The following CNTNAP2 variants were observed in gnomAD, a reference collection of about 807,000 sequenced individuals.
CNTNAP2 encodes the protein contactin associated protein 2, also known as contactin-associated protein-like 2.
A neutral mutation model predicts 155.2 loss-of-function variants in CNTNAP2; 98 were observed. The observed-to-expected ratio is 0.63, with a 90% confidence interval of 0.54 to 0.75. The LOEUF (loss-of-function observed/expected upper bound fraction) is 0.75, where lower values mean the gene tolerates loss of function less well. CNTNAP2 is among the 30% of genes least tolerant of loss of function. The probability of loss-of-function intolerance (pLI) is 0.00; values close to 1 mark genes in which losing one functional copy is unlikely to be tolerated. For missense variants in CNTNAP2, 1,727 were observed against 1,688.1 expected (o/e 1.02, Z -0.40); for synonymous variants, 651 against 631.2 (o/e 1.03, Z -0.47).
intron 17 of CNTNAP2, among the ~76,000 whole-genome samples, chr7:148,166,874 G>A (rs1425445287): frequency 6.6e-6 from 1 of 152,152 alleles, no homozygotes; most frequent in African/African-American, 2.4e-5. Context: ...ACAGAGCGCA[G>A]AAGTGGAACT....
chr7:146,603,615 G>T (rs1260885213), intron 1 of CNTNAP2, among the ~76,000 whole-genome samples: 2 of 150,782 alleles, frequency 1.3e-5, no homozygotes, highest in Non-Finnish European at 3.0e-5. Flanking sequence ...GCATTGCCAA[G>T]TCAACCCTAA....
At chr7:147,127,428 C>G (rs976624468) in intron 6 of CNTNAP2, among the ~76,000 whole-genome samples, 40 of 151,796 alleles carry the variant, frequency 2.6e-4, no homozygotes, top group African/African-American at 9.7e-4. Flanking sequence ...TGTTTCCCCC[C>G]CTAAAAGTAC....
chr7:147,838,421 T>C (rs565773697), intron 13 of CNTNAP2, among the ~76,000 whole-genome samples: 1 of 152,248 alleles, frequency 6.6e-6, no homozygotes, highest in East Asian at 1.9e-4. Context: ...TATCACATTG[T>C]CAGGCTGCAA....
At chr7:148,277,803 A>G (rs1796900946) in intron 21 of CNTNAP2, among the ~76,000 whole-genome samples, 4 of 144,828 alleles carry the variant, frequency 2.8e-5, no homozygotes, top group African/African-American at 5.0e-5. Context: ...AGAAAAAAAG[A>G]AAAAAAGCTT....
chr7:147,530,084 G>T (rs1273089151), intron 11 of CNTNAP2, among the ~76,000 whole-genome samples: 3 of 152,002 alleles, frequency 2.0e-5, no homozygotes, highest in East Asian at 3.9e-4. Context: ...TCACACTGCT[G>T]ATAAGGACAT....
chr7:146,437,633 A>G (rs1287054533), intron 1 of CNTNAP2, among the ~76,000 whole-genome samples: 1 of 151,636 alleles, frequency 6.6e-6, no homozygotes, highest in Non-Finnish European at 1.5e-5. Flanking sequence ...ACTTAATCCT[A>G]TAAAATGGCA....
chr7:147,462,836 T>A (rs376180141), intron 10 of CNTNAP2, among the ~76,000 whole-genome samples: 25 of 152,298 alleles, frequency 1.6e-4, no homozygotes, highest in African/African-American at 6.0e-4. Flanking sequence ...TGGAGTGCAG[T>A]GGCGCAATCT....
At chr7:146,211,033 G>C (rs182579905) in intron 1 of CNTNAP2, among the ~76,000 whole-genome samples, 3 of 152,220 alleles carry the variant, frequency 2.0e-5, no homozygotes, top group Non-Finnish European at 4.4e-5. Context: ...AAAGAAAGAA[G>C]AATGAAAGCA....
intron 12 of CNTNAP2, among the ~76,000 whole-genome samples, chr7:147,630,123 C>A (rs1186932203): frequency 6.6e-6 from 1 of 151,180 alleles, no homozygotes; most frequent in Non-Finnish European, 1.5e-5. Context: ...CAATTAGAAA[C>A]AAAACAGGAA....
chr7:147,680,898 T>A (rs1795938783), intron 13 of CNTNAP2, among the ~76,000 whole-genome samples: 1 of 151,868 alleles, frequency 6.6e-6, no homozygotes, highest in Non-Finnish European at 1.5e-5. Context: ...CCCAATTAAA[T>A]TTTTATTAAT....
At chr7:146,306,515 C>G (rs984105064) in intron 1 of CNTNAP2, among the ~76,000 whole-genome samples, 1 of 152,104 alleles carries the variant, frequency 6.6e-6, no homozygotes, top group African/African-American at 2.4e-5. Context: ...CTGGCAAACT[C>G]AATCCAGCAG....
At chr7:147,874,972 C>A (rs571854888) in intron 13 of CNTNAP2, among the ~76,000 whole-genome samples, 2 of 152,174 alleles carry the variant, frequency 1.3e-5, no homozygotes. Context: ...TCTGAGACCA[C>A]CTCAGCCTAG....
intron 4 of CNTNAP2, among the ~76,000 whole-genome samples, chr7:147,094,994 C>G (rs149268968): frequency 1.3e-5 from 2 of 151,848 alleles, no homozygotes; most frequent in African/African-American, 4.8e-5. Context: ...GCAAGGGCAA[C>G]GCATCTTTCT....
chr7:146,646,389 A>AT (rs1316113498), intron 1 of CNTNAP2, among the ~76,000 whole-genome samples: 1 of 152,134 alleles, frequency 6.6e-6, no homozygotes, highest in African/African-American at 2.4e-5. Flanking sequence ...ATTATTTTTA[A>AT]TTATTTACAT....
chr7:147,219,139 T>A (rs890508345), intron 8 of CNTNAP2, among the ~76,000 whole-genome samples: 1 of 152,154 alleles, frequency 6.6e-6, no homozygotes, highest in Non-Finnish European at 1.5e-5. Flanking sequence ...CCCATTCTTT[T>A]ATAATGAACC....
At chr7:147,104,746 T>C (rs2129278659) in intron 4 of CNTNAP2, among the ~76,000 whole-genome samples, 1 of 150,378 alleles carries the variant, frequency 6.6e-6, no homozygotes, top group South Asian at 2.1e-4. Flanking sequence ...CCATGCAATT[T>C]CCCTGTACTA....
At chr7:148,406,128 A>T (rs1233573615) in intron 22 of CNTNAP2, among the ~76,000 whole-genome samples, 1 of 151,840 alleles carries the variant, frequency 6.6e-6, no homozygotes, top group African/African-American at 2.4e-5. Flanking sequence ...GCTACTCGGG[A>T]GGCTGAGGCA....
intron 1 of CNTNAP2, among the ~76,000 whole-genome samples, chr7:146,249,406 G>T (rs557592998): frequency 4.0e-5 from 6 of 151,878 alleles, no homozygotes; most frequent in Non-Finnish European, 7.4e-5. Context: ...ATGAGGAAAC[G>T]TATTTCCTCT....
At chr7:146,677,252 G>T (rs544540548) in intron 1 of CNTNAP2, among the ~76,000 whole-genome samples, 1 of 152,242 alleles carries the variant, frequency 6.6e-6, no homozygotes, top group East Asian at 1.9e-4. Flanking sequence ...GGATACAAAG[G>T]TTTTCTGATT....
Sources: allele counts gnomAD v4.1 joint callset (sites outside exome capture counted in the v4.1 genomes callset), GRCh38; gene constraint gnomAD v4.1.1; transcripts MANE v1.5; gene names NCBI Gene and HGNC (gene_info 2026-07-23, HGNC 2026-07-21).